Variants in NHSL2 observed in about 807,000 individuals in gnomAD.
The protein encoded by NHSL2 is NHS like 2.
NHSL2 carries 27 observed loss-of-function variants against 53.4 expected under a neutral mutation model. The ratio of observed to expected loss-of-function variants is 0.51; its 90% CI spans 0.37 to 0.70. NHSL2 has a LOEUF of 0.70. Among genes scored for constraint, NHSL2 ranks in the 30% least tolerant of loss-of-function variants. The probability of loss-of-function intolerance (pLI) is 0.00; values close to 1 mark genes in which losing one functional copy is unlikely to be tolerated. For missense variants in NHSL2, 892 were observed against 980.1 expected, an observed-to-expected ratio of 0.91 and a Z score of 1.20; for synonymous variants, 408 against 404.1, an observed-to-expected ratio of 1.01 and a Z score of -0.12.
intron 1 of NHSL2, among the ~76,000 whole-genome samples, chrX:71,961,224 G>C (rs961739573): frequency 9.1e-6 from 1 of 110,481 alleles, no homozygotes; most frequent in African/African-American, 3.4e-5. Context: ...TTAACATATT[G>C]ATCTTGTACC....
intron 1 of NHSL2, among the ~76,000 whole-genome samples, chrX:71,928,413 G>A (rs2041696327): frequency 8.9e-6 from 1 of 112,247 alleles, no homozygotes; most frequent in African/African-American, 3.2e-5. Context: ...ATATGCATAA[G>A]AAGACTGCAA....
intron 1 of NHSL2, among the ~76,000 whole-genome samples, chrX:72,087,033 G>A (rs2041854106): frequency 1.8e-5 from 2 of 111,779 alleles, no homozygotes; most frequent in Admixed American, 1.9e-4. Flanking sequence ...GCTGGGCTGG[G>A]GGTCATCCCA....
intron 1 of NHSL2, chrX:72,128,032 T>C (rs1341758924): frequency 1.8e-5 from 2 of 112,652 alleles, no homozygotes. Context: ...CCAAACTTTC[T>C]TTAATGATTA....
intron 1 of NHSL2, among the ~76,000 whole-genome samples, chrX:72,018,471 C>G (rs188290665): frequency 0.027 from 3,084 of 113,015 alleles, 45 homozygotes; most frequent in Non-Finnish European, 0.038. Flanking sequence ...TTCCATGATG[C>G]CCAGGTCCGC....
Position 72,133,313 on chromosome X carries a change from A to G in NHSL2, c.437-778A>G, listed in dbSNP as rs779233609. Among the ~76,000 whole-genome samples, 5 of 112,154 alleles carry G rather than the reference A, an allele frequency of 4.5e-5. No individual in the cohort carries two copies. In the Admixed American group the frequency reaches 4.7e-4, roughly 11 times the overall value. Reference sequence around the variant, plus strand: ...GGGCTGCTGAGGAGGGAGTCTGGGCACAGAATGAGGCGTTGGACCAAAGAA... The same window carrying G: ...GGGCTGCTGAGGAGGGAGTCTGGGCGCAGAATGAGGCGTTGGACCAAAGAA... On this transcript the variant is annotated intron_variant, in intron 2 of 7. Coordinates refer to ENST00000633930, the MANE Select transcript of NHSL2 (RefSeq NM_001013627.3).
rs188232738 is a variant in NHSL2, at chrX:72,134,595, C to T, written c.651C>T (p.Ala217=). The T allele has an allele frequency of 1.9e-4, 219 of 1,164,478 alleles. No individual in the cohort carries two copies. The African/African-American group carries it at 2.8e-3, about 15-fold the overall frequency. Residue 217 remains alanine (A), a synonymous_variant, in exon 4 of 8, where the codon GCC becomes GCT. Transcript: ENST00000633930. ...PEASLSLSTT[A]DKQTAWNSLF... Reference sequence around the variant, plus strand: ...CCTCCCTGAGCCTGTCTACCACAGCCGACAAGCAAACTGCCTGGAATAGCC... The same window carrying T: ...CCTCCCTGAGCCTGTCTACCACAGCTGACAAGCAAACTGCCTGGAATAGCC...
rs1243093252 is a variant in NHSL2 at position 72,145,256 on chromosome X, C to T, written c.*1682C>T. 9.0e-6 allele frequency: 1 copy of T among 111,694 alleles called. No homozygotes were observed. 9.2% of individuals were successfully genotyped at this position (111,694 alleles called of 1,213,427 possible). ...CCCAATGAGAAGCCACCTTTTAGCTCAACTGCCCACACTCCAGCTGGACAG... is the reference window on the plus strand; with the variant it reads ...CCCAATGAGAAGCCACCTTTTAGCTTAACTGCCCACACTCCAGCTGGACAG... On this transcript the variant is annotated 3_prime_UTR_variant, in exon 8 of 8. Coordinates refer to ENST00000633930, the MANE Select transcript of NHSL2 (RefSeq NM_001013627.3).
intron 1 of NHSL2, among the ~76,000 whole-genome samples, chrX:72,110,310 T>C (rs1376642272): frequency 9.0e-6 from 1 of 111,182 alleles, no homozygotes; most frequent in African/African-American, 3.3e-5. Flanking sequence ...TGAGAAGCAC[T>C]GGCCTAGAAG....
At chrX:72,037,584 C>CA (rs1207481792) in intron 1 of NHSL2, among the ~76,000 whole-genome samples, 1 of 111,696 alleles carries the variant, frequency 9.0e-6, no homozygotes, top group Non-Finnish European at 1.9e-5. Context: ...ATGCTTCACA[C>CA]AGGGGCAGAA....
chrX:72,053,010 G>A (rs2042349515), intron 1 of NHSL2, among the ~76,000 whole-genome samples: 2 of 112,392 alleles, frequency 1.8e-5, no homozygotes, highest in Admixed American at 1.9e-4. Context: ...TTCCTGTGTG[G>A]AAACATTTCC....
In NHSL2 at chrX:72,140,591, C is replaced by T. The variant is rs774573242; in HGVS notation, c.3043C>T (p.Leu1015Phe). ...AAAACCCAGCGTGCTGTACCTGCCT[C>T]TCACTTCTCCCACAGCTCAAATGGA... ...PKKPSVLYLP[L>F]TSPTAQMEAY... The change falls in exon 6 of 8, where the codon CTC becomes TTC. Residue 1015 changes from leucine to phenylalanine, a missense_variant. Leu to Phe is a conservative substitution (Grantham distance 22). Coordinates refer to ENST00000633930, the MANE Select transcript of NHSL2 (RefSeq NM_001013627.3). 26 of 1,212,008 alleles carry T rather than the reference C, an allele frequency of 2.1e-5. No individual in the cohort carries two copies. Among genetic ancestry groups the T allele is most frequent in the East Asian group, 3.0e-5 (1 of 33,848 alleles).
chrX:71,941,717 TG>T (rs1251199218), intron 1 of NHSL2, among the ~76,000 whole-genome samples: 1 of 112,417 alleles, frequency 8.9e-6, no homozygotes, highest in East Asian at 2.8e-4. Context: ...AAGCAGGCAC[TG>T]GGGGCCTAAT....
intron 1 of NHSL2, among the ~76,000 whole-genome samples, chrX:71,955,848 C>T (rs191345800): frequency 2.9e-4 from 32 of 109,484 alleles, no homozygotes; most frequent in Non-Finnish European, 5.0e-4. Context: ...TCCCATGAAT[C>T]CTTAGGGAGA....
At chrX:71,932,276 A>G (rs746766418) in intron 1 of NHSL2, among the ~76,000 whole-genome samples, 20 of 110,091 alleles carry the variant, frequency 1.8e-4, no homozygotes, top group Non-Finnish European at 3.4e-4. Context: ...CAAAGGCGAG[A>G]AAGGAGGATG....
chrX:72,041,012 T>C (rs2042271419), intron 1 of NHSL2, among the ~76,000 whole-genome samples: 2 of 112,070 alleles, frequency 1.8e-5, no homozygotes, highest in Non-Finnish European at 3.8e-5. Context: ...TTGGGCTAGA[T>C]GTAGTGAGAA....
At chrX:72,069,512 G>T (rs1335345801) in intron 1 of NHSL2, 1 of 307,996 alleles carries the variant, frequency 3.2e-6, no homozygotes, top group Non-Finnish European at 5.5e-6. Flanking sequence ...CTGTGCCAGG[G>T]GCACAAGTGG....
rs754870676 is a variant in NHSL2 at position 71,912,277 on chromosome X, C to T, written c.280+910C>T. 7.1e-5 allele frequency among the ~76,000 whole-genome samples: 8 copies of T among 112,103 alleles called. No homozygotes were observed. The East Asian group carries it at 2.0e-3, about 28-fold the overall frequency. ...TCCTCTGTCTGTGGAAATGCAGTGC[C>T]CCTGAGAGTGTGGGACTTCTGCTGA... On this transcript the variant is annotated intron_variant, in intron 1 of 7. Transcript: ENST00000633930.
At chrX:72,101,071 G>C (rs911122168) in intron 1 of NHSL2, among the ~76,000 whole-genome samples, 2 of 105,970 alleles carry the variant, frequency 1.9e-5, no homozygotes, top group African/African-American at 7.0e-5. Context: ...CAGAGTGTGT[G>C]GCAACGGGGC....
In NHSL2 at chrX:72,143,796, A is replaced by G; in HGVS notation, c.*222A>G. 3.3e-6 allele frequency: 1 copy of G among 301,283 alleles called. No homozygotes were observed. The highest frequency in any genetic ancestry group is 5.8e-6 in the Non-Finnish European group (1 of 172,808). The allele number at this position is 301,283 out of a possible 1,213,427, so 24.8% of individuals were successfully genotyped here. ...ATGTTTTCATACTTATAAGCTTGTCATGACTGACTACCGAGTTTCTTCTTA... is the reference window on the plus strand; with the variant it reads ...ATGTTTTCATACTTATAAGCTTGTCGTGACTGACTACCGAGTTTCTTCTTA... On this transcript the variant is annotated 3_prime_UTR_variant, in exon 8 of 8. Transcript: ENST00000633930.
Sources: gnomAD v4.1 joint callset for allele counts (sites outside exome capture counted in the v4.1 genomes callset) on GRCh38, gnomAD v4.1.1 for gene constraint, MANE v1.5 for transcripts, NCBI Gene and HGNC (gene_info 2026-07-23, HGNC 2026-07-21) for gene names.